Variants in FRA10AC1 observed in about 807,000 individuals in gnomAD.
The protein encoded by FRA10AC1 is FRA10A associated CGG repeat 1.
In FRA10AC1, 43 loss-of-function variants were observed where a neutral mutation model predicts 56.5. The ratio of observed to expected loss-of-function variants is 0.76; its 90% confidence interval spans 0.60 to 0.98. The LOEUF is 0.98. Among genes scored for constraint, FRA10AC1 ranks in the 50% least tolerant of loss-of-function variants. The pLI, the probability that FRA10AC1 is intolerant of heterozygous loss-of-function variation, is 0.00. For synonymous variants in FRA10AC1, 112 were observed against 110.5 expected (o/e 1.01, Z -0.09); for missense variants, 346 against 351.8 (o/e 0.98, Z 0.13).
chr10:93,687,678 A>C (rs1257320215), intron 7 of FRA10AC1: 1 of 339,578 alleles, frequency 2.9e-6, no homozygotes, highest in Non-Finnish European at 5.3e-6. Context: ...GCCAGGCCAC[A>C]AGATACCTAA....
intron 12 of FRA10AC1, among the ~76,000 whole-genome samples, chr10:93,675,856 A>C (rs190196434): frequency 6.6e-6 from 1 of 152,254 alleles, no homozygotes; most frequent in Non-Finnish European, 1.5e-5. Flanking sequence ...TCTTTAAAAA[A>C]TTCAACATTA....
intron 11 of FRA10AC1, among the ~76,000 whole-genome samples, chr10:93,678,152 GGAA>G (rs1289277450): frequency 6.6e-6 from 1 of 152,188 alleles, no homozygotes; most frequent in Non-Finnish European, 1.5e-5. Context: ...AAGGGTGTCA[GGAA>G]GGGCCTTTCC....
chr10:93,699,912 A>G, intron 2 of FRA10AC1, 118 bp downstream of exon 2: 1 of 600,792 alleles, frequency 1.7e-6, no homozygotes, highest in Non-Finnish European at 2.9e-6. Context: ...AAATTCATTC[A>G]CTAGAGCAAT....
chr10:93,695,215 T>G (rs1030239542), intron 4 of FRA10AC1, among the ~76,000 whole-genome samples: 1 of 152,094 alleles, frequency 6.6e-6, no homozygotes, highest in African/African-American at 2.4e-5. Context: ...AAATAGAGCT[T>G]CTTATTCTAT....
At chr10:93,693,510 A>G (rs1162103764) in intron 5 of FRA10AC1, among the ~76,000 whole-genome samples, 3 of 24,290 alleles carry the variant, frequency 1.2e-4, no homozygotes, top group Admixed American at 8.5e-4. Flanking sequence ...ATATATATAC[A>G]CCATATATAT....
rs11187598 is a variant in FRA10AC1, at chr10:93,702,531, G to A, written c.-157C>T. The A allele has an allele frequency of 0.065, 14,946 of 228,622 alleles. 725 individuals carry two copies. Among genetic ancestry groups the A allele is most frequent in the East Asian group, 0.23 (1,474 of 6,374 alleles). 14.2% of individuals were successfully genotyped at this position (228,622 alleles called of 1,614,324 possible). ...CCTCGCCACAACCACCACCGCCGCC[G>A]CCGCCGCCGCCGCCGCCCGCAACCC... On this transcript the variant is annotated 5_prime_UTR_variant, in exon 1 of 14. Transcript: ENST00000359204.
Position 93,702,516 on chromosome 10 carries a change from ACCACCACCGCCGCCGCCG to A in FRA10AC1, c.-160_-143del, listed in dbSNP as rs1439043860. 3.3e-5 allele frequency: 5 copies of A among 151,818 alleles called. No homozygotes were observed. Among genetic ancestry groups the A allele is most frequent in the African/African-American group, 1.9e-4 (5 of 25,696 alleles). 9.4% of individuals were successfully genotyped at this position (151,818 alleles called of 1,614,324 possible). On this transcript the variant is annotated 5_prime_UTR_variant, in exon 1 of 14. Coordinates refer to ENST00000359204, the MANE Select transcript of FRA10AC1 (RefSeq NM_145246.5). ...CGCCCTGCCGCACAGCCTCGCCACA[ACCACCACCGCCGCCGCCG>A]CCGCCGCCGCCGCCCGCAACCCGCC...
rs557440024 is a variant in FRA10AC1 at position 93,668,893 on chromosome 10, C to G, written c.*933G>C. On this transcript the variant is annotated 3_prime_UTR_variant, in exon 14 of 14. Transcript: ENST00000359204. ...AGCCAAACCATATCAGAGGTATATT[C>G]ATATTTGCATGAGTATATCTGAGGC... 1.3e-5 allele frequency: 2 copies of G among 152,256 alleles called. No homozygotes were observed. The highest frequency in any genetic ancestry group is 4.8e-5 in the African/African-American group (2 of 41,554). 9.4% of individuals were successfully genotyped at this position (152,256 alleles called of 1,614,324 possible). A position where few individuals can be genotyped will look rare whatever the true frequency, so the allele number is the denominator to read the frequency against.
intron 4 of FRA10AC1, 34 bp downstream of exon 4, chr10:93,698,102 T>C (rs763406728): frequency 1.6e-6 from 2 of 1,231,738 alleles, no homozygotes; most frequent in Admixed American, 4.9e-5. Context: ...AATATTCTAC[T>C]AGTTATAAAA....
rs2058728952 is a variant in FRA10AC1, at chr10:93,669,610, C to T, written c.*216G>A. 1 of 522,908 alleles carries T rather than the reference C, an allele frequency of 1.9e-6. No individual in the cohort carries two copies. The allele number at this position is 522,908 out of a possible 1,614,324, so 32.4% of individuals were successfully genotyped here. On this transcript the variant is annotated 3_prime_UTR_variant, in exon 14 of 14. Coordinates refer to ENST00000359204, the MANE Select transcript of FRA10AC1 (RefSeq NM_145246.5). The stretch of plus-strand genomic sequence containing the variant: ...CAAATAAAACAGAATTGTAGATAAG[C>T]AATTGAAAAGATATTTAAAGGACAG...
intron 9 of FRA10AC1, 77 bp downstream of exon 9, chr10:93,685,169 A>T: frequency 1.4e-6 from 1 of 723,962 alleles, no homozygotes; most frequent in Non-Finnish European, 2.4e-6. Context: ...ATTGCATTTG[A>T]ATTTTAAAGT....
At chr10:93,698,086 T>C in intron 4 of FRA10AC1, 50 bp downstream of exon 4, 1 of 1,082,076 alleles carries the variant, frequency 9.2e-7, no homozygotes, top group East Asian at 2.6e-5. Flanking sequence ...AAAAAGCAGA[T>C]TTTAAAATAT....
chr10:93,672,619 T>A (rs140935285), intron 12 of FRA10AC1: 1 of 152,340 alleles, frequency 6.6e-6, no homozygotes, highest in East Asian at 1.9e-4. Context: ...CAAGAGTACT[T>A]CCCACATGCC....
intron 11 of FRA10AC1, among the ~76,000 whole-genome samples, chr10:93,678,815 A>C (rs562677124): frequency 5.4e-4 from 81 of 151,364 alleles, no homozygotes; most frequent in Admixed American, 1.4e-3. Flanking sequence ...CCAGCACTCC[A>C]GCCTGGGGCC....
rs1412948282 is a variant in FRA10AC1 at position 93,685,516 on chromosome 10, C to T, written c.512-157G>A. ...GTAATATGTTCAACCAACTTGTATA[C>T]AAGTATCAAATCAAAGTACTGTTAC... On this transcript the variant is annotated intron_variant, in intron 8 of 13. Coordinates refer to ENST00000359204, the MANE Select transcript of FRA10AC1 (RefSeq NM_145246.5). 3 of 462,508 alleles carry T rather than the reference C, an allele frequency of 6.5e-6. No homozygotes were observed. In the Admixed American group the frequency reaches 1.3e-4, roughly 21 times the overall value. 28.7% of individuals were successfully genotyped at this position (462,508 alleles called of 1,614,324 possible).
At chr10:93,682,456 C>G (rs921010900) in intron 10 of FRA10AC1, among the ~76,000 whole-genome samples, 10 of 152,114 alleles carry the variant, frequency 6.6e-5, no homozygotes, top group Admixed American at 5.9e-4. Flanking sequence ...TGCTTTCTTT[C>G]AGTATCACTG....
chr10:93,696,666 G>A (rs1488481800), intron 4 of FRA10AC1, among the ~76,000 whole-genome samples: 2 of 152,142 alleles, frequency 1.3e-5, no homozygotes, highest in Non-Finnish European at 2.9e-5. Flanking sequence ...TATGTTTATT[G>A]CAGCACTATT....
In FRA10AC1 at chr10:93,669,253, A is replaced by G. The variant is rs2058724303; in HGVS notation, c.*573T>C. On this transcript the variant is annotated 3_prime_UTR_variant, in exon 14 of 14. Transcript: ENST00000359204. Reference sequence around the variant, plus strand: ...GGAAAGAAAGAAGTTAAAGACATACATAATATACTTTAATCCTAGTAATTT... The same window carrying G: ...GGAAAGAAAGAAGTTAAAGACATACGTAATATACTTTAATCCTAGTAATTT... The G allele has an allele frequency of 6.6e-6, 1 of 152,184 alleles. No individual in the cohort carries two copies. The highest frequency in any genetic ancestry group is 2.1e-4 in the South Asian group (1 of 4,824). The allele number at this position is 152,184 out of a possible 1,614,324, so 9.4% of individuals were successfully genotyped here. A position where few individuals can be genotyped will look rare whatever the true frequency, so the allele number is the denominator to read the frequency against.
chr10:93,698,450 AT>A lies in FRA10AC1; in HGVS notation c.78-55del, dbSNP rs1414746748. On this transcript the variant is annotated intron_variant, in intron 2 of 13. Transcript: ENST00000359204. ...CACTTTTTTCAAAGGTTATTTTCTA[AT>A]TCTTTATATTTTCATAACTGGAATA... 38 of 1,008,120 alleles carry A rather than the reference AT, an allele frequency of 3.8e-5. No individual in the cohort carries two copies. The African/African-American group carries it at 5.1e-4, about 13-fold the overall frequency. The allele number at this position is 1,008,120 out of a possible 1,614,324, so 62.4% of individuals were successfully genotyped here.
Sources: allele counts gnomAD v4.1 joint callset (sites outside exome capture counted in the v4.1 genomes callset), GRCh38; gene constraint gnomAD v4.1.1; transcripts MANE v1.5; gene names NCBI Gene and HGNC (gene_info 2026-07-23, HGNC 2026-07-21).